The following COL19A1 variants were observed in gnomAD, a reference collection of about 807,000 sequenced individuals.
COL19A1 encodes the protein collagen type XIX alpha 1 chain, also known as collagen alpha-1(XIX) chain.
In COL19A1, 159 loss-of-function variants were observed where a neutral mutation model predicts 190.2. That is an observed-to-expected ratio of 0.84 (90% confidence interval 0.73 to 0.95). The LOEUF (loss-of-function observed/expected upper bound fraction) is 0.95. COL19A1 is among the 40% of genes least tolerant of loss of function. COL19A1 has a pLI of 0.00. For synonymous variants in COL19A1, 509 were observed against 458.9 expected (o/e 1.11, Z -1.39); for missense variants, 1,418 against 1,431.9 (o/e 0.99, Z 0.16).
intron 15 of COL19A1, among the ~76,000 whole-genome samples, chr6:70,090,671 G>A (rs1782865338): frequency 6.6e-6 from 1 of 152,076 alleles, no homozygotes; most frequent in Non-Finnish European, 1.5e-5. Context: ...TGAATTTGGT[G>A]GCAATTTTAC....
At chr6:70,158,942 C>A (rs1023267932) in intron 34 of COL19A1, among the ~76,000 whole-genome samples, 5 of 152,036 alleles carry the variant, frequency 3.3e-5, no homozygotes, top group Admixed American at 1.3e-4. Context: ...GCCCTTTATG[C>A]ATCCATAGTA....
At position 69,929,643 on chromosome 6, in the gene COL19A1, G is replaced by A; in HGVS notation, c.609G>A (p.Val203=). 1.2e-6 allele frequency: 2 copies of A among 1,613,908 alleles called. No individual in the cohort carries two copies. The highest frequency in any genetic ancestry group is 1.1e-5 in the South Asian group (1 of 91,068). Residue 203 remains valine, a synonymous_variant, in exon 6 of 51, where the codon GTG becomes GTA. Transcript: ENST00000620364. ...GGCAGACTGATGAAAAGGACACTGT[G>A]GATTTCCATGGACGGACAGTTATTG... ...ARRQTDEKDT[V]DFHGRTVIAT...
intron 24 of COL19A1, 74 bp from the exon 25 acceptor site, chr6:70,144,844 T>A: frequency 1.1e-6 from 1 of 922,740 alleles, no homozygotes; most frequent in Non-Finnish European, 1.7e-6. Flanking sequence ...CTTAAAACAA[T>A]GGAAACCACT....
intron 16 of COL19A1, among the ~76,000 whole-genome samples, chr6:70,117,210 C>G (rs3806031): frequency 0.44 from 66,577 of 151,936 alleles, 14,819 homozygotes; most frequent in South Asian, 0.53. Flanking sequence ...AAAGAACAGT[C>G]AGGGAAAAAA....
chr6:70,060,997 G>A (rs1780796050), intron 14 of COL19A1, among the ~76,000 whole-genome samples: 1 of 152,066 alleles, frequency 6.6e-6, no homozygotes, highest in South Asian at 2.1e-4. Flanking sequence ...GAGGGATTCT[G>A]AGACAAATGC....
At chr6:70,026,207 C>T (rs1778723456) in intron 12 of COL19A1, among the ~76,000 whole-genome samples, 1 of 152,132 alleles carries the variant, frequency 6.6e-6, no homozygotes, top group Non-Finnish European at 1.5e-5. Flanking sequence ...ATTTTTCTTA[C>T]ATTGTCTGAA....
At chr6:70,068,992 C>T (rs923232808) in intron 15 of COL19A1, among the ~76,000 whole-genome samples, 4 of 152,094 alleles carry the variant, frequency 2.6e-5, no homozygotes, top group African/African-American at 9.7e-5. Flanking sequence ...AGTTCAATTT[C>T]ATCATTCCAC....
chr6:69,991,721 T>A lies in COL19A1; in HGVS notation c.1026+28851T>A, dbSNP rs192399274. Among the ~76,000 whole-genome samples the A allele has an allele frequency of 2.4e-3, 361 of 152,142 alleles. 1 individual carries two copies. The highest frequency in any genetic ancestry group is 8.4e-3 in the African/African-American group (348 of 41,530). ...GTGTCCTGTTCACGTCTTTTGCCCA[T>A]TTTTTAATGGGGTTATTTGGTATTT... On this transcript the variant is annotated intron_variant, in intron 11 of 50. Coordinates refer to ENST00000620364, the MANE Select transcript of COL19A1 (RefSeq NM_001858.6).
At chr6:69,993,286 C>A (rs990045475) in intron 11 of COL19A1, among the ~76,000 whole-genome samples, 3 of 152,142 alleles carry the variant, frequency 2.0e-5, no homozygotes, top group African/African-American at 7.2e-5. Context: ...TTGAACCAAT[C>A]TTGCTTCCCA....
chr6:69,900,989 A>G (rs1233307277), intron 4 of COL19A1, among the ~76,000 whole-genome samples: 1 of 152,224 alleles, frequency 6.6e-6, no homozygotes, highest in Non-Finnish European at 1.5e-5. Context: ...ACAATGATTT[A>G]CCATATAGTT....
chr6:69,924,181 C>G (rs1220590081), intron 4 of COL19A1, among the ~76,000 whole-genome samples: 1 of 152,032 alleles, frequency 6.6e-6, no homozygotes, highest in Non-Finnish European at 1.5e-5. Context: ...TATACATGTG[C>G]CATGTTGGTG....
chr6:70,092,892 G>A (rs1462904840), intron 15 of COL19A1, among the ~76,000 whole-genome samples: 1 of 152,174 alleles, frequency 6.6e-6, no homozygotes, highest in Non-Finnish European at 1.5e-5. Context: ...AATGCTCACT[G>A]GTGATGCTGA....
chr6:69,932,584 A>G (rs1772849528), intron 6 of COL19A1, among the ~76,000 whole-genome samples, 199 bp from the exon 7 acceptor site: 1 of 152,048 alleles, frequency 6.6e-6, no homozygotes, highest in Admixed American at 6.6e-5. Context: ...CTATAGATCC[A>G]TCTCTATATC....
At chr6:70,165,346 T>G (rs1765082741) in intron 36 of COL19A1, among the ~76,000 whole-genome samples, 1 of 152,256 alleles carries the variant, frequency 6.6e-6, no homozygotes, top group African/African-American at 2.4e-5. Context: ...TTGTAGTGAC[T>G]ATTTGCTTTA....
In COL19A1 at chr6:70,169,819, T is replaced by C. The variant is rs73746889; in HGVS notation, c.2568+1138T>C. 2.6e-3 allele frequency among the ~76,000 whole-genome samples: 401 copies of C among 152,270 alleles called. 4 individuals are homozygous for C. The highest frequency in any genetic ancestry group is 7.7e-3 in the African/African-American group (322 of 41,574). ...TCCTGGTCTTTCCCTCTCATACTCA[T>C]ACACACAAAACAGCTTCTCTGAATC... is the stretch of plus-strand genomic sequence containing the variant. On this transcript the variant is annotated intron_variant, in intron 40 of 50. Transcript: ENST00000620364.
At chr6:70,121,838 GTAAATGTGTATA>G (rs781417664) in intron 16 of COL19A1, 30 bp from the exon 17 acceptor site, 2 of 1,211,850 alleles carry the variant, frequency 1.7e-6, no homozygotes, top group African/African-American at 3.1e-5. Context: ...CATTGTTTTG[GTAAATGTGTATA>G]TATTTGTCTT....
At chr6:70,120,848 C>T (rs1266437720) in intron 16 of COL19A1, among the ~76,000 whole-genome samples, 1 of 152,206 alleles carries the variant, frequency 6.6e-6, no homozygotes, top group African/African-American at 2.4e-5. Flanking sequence ...TGTTAACCAA[C>T]ATTAATCTTT....
At chr6:69,937,690 A>G (rs899881961) in intron 8 of COL19A1, among the ~76,000 whole-genome samples, 1 of 152,122 alleles carries the variant, frequency 6.6e-6, no homozygotes, top group African/African-American at 2.4e-5. Context: ...GATGGGGTGA[A>G]AGTTTAAGGG....
chr6:70,156,889 T>A (rs1787473696), intron 34 of COL19A1, among the ~76,000 whole-genome samples, 166 bp downstream of exon 34: 1 of 152,118 alleles, frequency 6.6e-6, no homozygotes, highest in Non-Finnish European at 1.5e-5. Context: ...AATAACATAT[T>A]TATGTTTATT....
Sources: allele counts gnomAD v4.1 joint callset (sites outside exome capture counted in the v4.1 genomes callset), GRCh38; gene constraint gnomAD v4.1.1; transcripts MANE v1.5; gene names NCBI Gene and HGNC (gene_info 2026-07-23, HGNC 2026-07-21).